Variants in RNF144A observed in about 807,000 individuals in gnomAD.
RNF144A encodes the protein E3 ubiquitin-protein ligase RNF144A.
A neutral mutation model predicts 38.7 loss-of-function variants in RNF144A; 11 were observed. The ratio of observed to expected loss-of-function variants is 0.28; its 90% CI spans 0.18 to 0.47. RNF144A has a LOEUF of 0.47. RNF144A is among the 20% of genes least tolerant of loss of function. The probability of loss-of-function intolerance (pLI) is 0.99; values close to 1 mark genes in which losing one functional copy is unlikely to be tolerated. For missense variants in RNF144A, 316 were observed against 377.2 expected (o/e 0.84, Z 1.34); for synonymous variants, 149 against 143.9 (o/e 1.04, Z -0.25).
chr2:6,970,856 C>T (rs1420570570), intron 2 of RNF144A, among the ~76,000 whole-genome samples: 1 of 152,192 alleles, frequency 6.6e-6, no homozygotes, highest in Non-Finnish European at 1.5e-5. Flanking sequence ...CCTCCTGCAG[C>T]CCTCATTCCT....
intron 2 of RNF144A, among the ~76,000 whole-genome samples, chr2:6,991,862 A>T (rs1467887950): frequency 1.3e-5 from 2 of 152,164 alleles, no homozygotes; most frequent in Non-Finnish European, 2.9e-5. Context: ...ATAATTATGG[A>T]ATAGCTGCTG....
Position 6,980,141 on chromosome 2 carries a change from T to G in RNF144A, c.-11-16775T>G, listed in dbSNP as rs114993014. Among the ~76,000 whole-genome samples, 389 of 152,270 alleles carry G rather than the reference T, an allele frequency of 2.6e-3. 4 individuals are homozygous for G. The highest frequency in any genetic ancestry group is 9.1e-3 in the African/African-American group (378 of 41,546). ...TCTGTTGTCCCTCAACATGTGAAGA[T>G]TACAATTTGACATGAGGATTTGGGT... On this transcript the variant is annotated intron_variant, in intron 2 of 8. Transcript: ENST00000320892.
chr2:6,987,041 G>T (rs16865777), intron 2 of RNF144A, among the ~76,000 whole-genome samples: 445 of 152,198 alleles, frequency 2.9e-3, no homozygotes, highest in African/African-American at 0.01. Flanking sequence ...ATTCCCGGAT[G>T]GGGGTCAGAA....
chr2:7,008,254 G>T (rs906821286), intron 3 of RNF144A, among the ~76,000 whole-genome samples: 1 of 152,236 alleles, frequency 6.6e-6, no homozygotes, highest in African/African-American at 2.4e-5. Context: ...TTTTGGCAGC[G>T]GGTGCGTGGT....
chr2:6,965,647 G>C (rs1667621860), intron 2 of RNF144A, among the ~76,000 whole-genome samples: 1 of 152,138 alleles, frequency 6.6e-6, no homozygotes, highest in Non-Finnish European at 1.5e-5. Context: ...AAACGGGACA[G>C]GATTGCATCT....
intron 7 of RNF144A, among the ~76,000 whole-genome samples, chr2:7,028,072 A>G (rs146668160): frequency 7.2e-5 from 11 of 152,116 alleles, no homozygotes; most frequent in Non-Finnish European, 1.3e-4. Context: ...ACACATTGCT[A>G]TGAAGGAGGC....
At chr2:7,030,290 T>C (rs999394309) in intron 8 of RNF144A, 75 bp downstream of exon 8, 146 of 942,804 alleles carry the variant, frequency 1.5e-4, no homozygotes, top group Non-Finnish European at 2.2e-4. Context: ...TGTGTGTGTG[T>C]GTGTGTGTGT....
intron 2 of RNF144A, among the ~76,000 whole-genome samples, chr2:6,947,735 C>A (rs1645046428): frequency 6.6e-6 from 1 of 152,158 alleles, no homozygotes; most frequent in South Asian, 2.1e-4. Context: ...AAAGGGACAG[C>A]CTCTGCTGCA....
chr2:6,956,751 G>T (rs1423405217), intron 2 of RNF144A, among the ~76,000 whole-genome samples: 1 of 152,124 alleles, frequency 6.6e-6, no homozygotes, highest in Non-Finnish European at 1.5e-5. Context: ...CTTCTGGGAG[G>T]CTTGGTGGTT....
chr2:6,957,234 C>G (rs1667063529), intron 2 of RNF144A, among the ~76,000 whole-genome samples: 1 of 152,330 alleles, frequency 6.6e-6, no homozygotes, highest in African/African-American at 2.4e-5. Flanking sequence ...CTGTATCTGT[C>G]TGTCCTGCAT....
At chr2:6,975,230 A>G (rs1409710684) in intron 2 of RNF144A, among the ~76,000 whole-genome samples, 2 of 152,194 alleles carry the variant, frequency 1.3e-5, no homozygotes, top group Admixed American at 6.5e-5. Flanking sequence ...GAACTTGTGC[A>G]GGGAAATTCC....
In RNF144A at chr2:6,943,313, A is replaced by C. The variant is rs532252030; in HGVS notation, c.-12+2166A>C. Among the ~76,000 whole-genome samples, 1 of 152,328 alleles carries C rather than the reference A, an allele frequency of 6.6e-6. No homozygotes were observed. The highest frequency in any genetic ancestry group is 2.4e-5 in the African/African-American group (1 of 41,576). On this transcript the variant is annotated intron_variant, in intron 2 of 8. Coordinates refer to ENST00000320892, the MANE Select transcript of RNF144A (RefSeq NM_014746.6). This position sits in a 1 kb window ranked among gnomAD's most constrained non-coding sequence, Gnocchi z 4.3. The stretch of plus-strand genomic sequence containing the variant: ...GGAAGCGGGGGAACCAGGAGCATGG[A>C]GAGGACTGAGAATGGAGGCTCGGAT...
At chr2:6,933,082 G>A (rs969293164) in intron 1 of RNF144A, 1 of 152,214 alleles carries the variant, frequency 6.6e-6, no homozygotes, top group Non-Finnish European at 1.5e-5. Context: ...AAGCTTAACT[G>A]CGCAGAGCTA....
chr2:7,018,616 G>A lies in RNF144A; in HGVS notation c.302-1857G>A, dbSNP rs532400963. ...CACATGTGACCCACAGACAACAACTGCGTTTTCTCAAAAAGCCATTTTGTC... is the reference window on the plus strand; with the variant it reads ...CACATGTGACCCACAGACAACAACTACGTTTTCTCAAAAAGCCATTTTGTC... On this transcript the variant is annotated intron_variant, in intron 5 of 8. Transcript: ENST00000320892. Among the ~76,000 whole-genome samples, 4 of 152,346 alleles carry A rather than the reference G, an allele frequency of 2.6e-5. No individual in the cohort carries two copies. The South Asian group carries it at 8.3e-4, about 32-fold the overall frequency.
At chr2:7,074,969 A>G in the RNF144A span, among the ~76,000 whole-genome samples, 1 of 152,162 alleles carries the variant, frequency 6.6e-6, no homozygotes, top group South Asian at 2.1e-4. Flanking sequence ...TTTTAAGTGT[A>G]AGAATTATTA....
At chr2:7,058,030 T>C (rs1353104042) in intron 6 of RNF144A, among the ~76,000 whole-genome samples, 3 of 152,206 alleles carry the variant, frequency 2.0e-5, no homozygotes, top group Admixed American at 6.5e-5. Context: ...AGGTGCTTAA[T>C]GTCATTTAAT....
chr2:7,066,742 T>C (rs1558473253), intron 6 of RNF144A, among the ~76,000 whole-genome samples: 1 of 152,192 alleles, frequency 6.6e-6, no homozygotes, highest in Non-Finnish European at 1.5e-5. Flanking sequence ...CTTGGTTCAC[T>C]TACATAGTTT....
chr2:7,040,569 C>T lies in RNF144A; in HGVS notation c.*809C>T. ...TTGGTGATTCAGCTCAGCTCATGGG[C>T]CTCATCCCTTCTCTCCCAGGTAGCA... On this transcript the variant is annotated 3_prime_UTR_variant, in exon 9 of 9. Transcript: ENST00000320892. 3.0e-6 allele frequency: 3 copies of T among 985,442 alleles called. No individual in the cohort carries two copies. The highest frequency in any genetic ancestry group is 3.6e-6 in the Non-Finnish European group (3 of 829,920). The allele number at this position is 985,442 out of a possible 1,614,324, so 61.0% of individuals were successfully genotyped here.
chr2:7,049,498 C>T lies in RNF144A; in HGVS notation c.735-18718C>T, dbSNP rs143538695. ...ACCTGGCATACAAAATCCTGAAAAA[C>T]GAGTCTCTTGGAATCCACAAAGGAT... On this transcript the variant is annotated intron_variant, in intron 6 of 6. Coordinates refer to the RNF144A transcript ENST00000432850. Among the ~76,000 whole-genome samples the T allele has an allele frequency of 2.5e-3, 384 of 152,258 alleles. 3 individuals are homozygous for T. Among genetic ancestry groups the T allele is most frequent in the Non-Finnish European group, 4.5e-3 (303 of 68,020 alleles).
Sources: allele counts gnomAD v4.1 joint callset (sites outside exome capture counted in the v4.1 genomes callset), GRCh38; gene constraint gnomAD v4.1.1; non-coding constraint Gnocchi (gnomAD v3.1); transcripts MANE v1.5; gene names NCBI Gene and HGNC (gene_info 2026-07-23, HGNC 2026-07-21).